Variants in POU6F2 observed in about 807,000 individuals in gnomAD.
The protein encoded by POU6F2 is POU domain, class 6, transcription factor 2.
POU6F2 carries 31 observed loss-of-function variants against 71.3 expected under a neutral mutation model. The observed-to-expected ratio is 0.43, with a 90% confidence interval of 0.33 to 0.59. The LOEUF is 0.59. Among genes scored for constraint, POU6F2 ranks in the 20% least tolerant of loss-of-function variants. POU6F2 has a pLI of 0.04. For synonymous variants in POU6F2, 347 were observed against 355.7 expected (o/e 0.98, Z 0.27); for missense variants, 783 against 856.8 (o/e 0.91, Z 1.07).
chr7:39,111,399 G>A (rs1004465571), intron 2 of POU6F2, among the ~76,000 whole-genome samples: 24 of 152,122 alleles, frequency 1.6e-4, no homozygotes, highest in African/African-American at 4.6e-4. Flanking sequence ...ATGGTAAAAC[G>A]AAAGTGAAGA....
chr7:39,441,228 C>CT (rs112828864), intron 7 of POU6F2, among the ~76,000 whole-genome samples: 6,189 of 139,906 alleles, frequency 0.044, 342 homozygotes, highest in African/African-American at 0.14. Flanking sequence ...TAAAGCTTAG[C>CT]TTTTTTTTTT....
At chr7:39,250,054 G>C (rs1334678835) in intron 4 of POU6F2, among the ~76,000 whole-genome samples, 1 of 152,186 alleles carries the variant, frequency 6.6e-6, no homozygotes, top group East Asian at 1.9e-4. Flanking sequence ...TCGAGAGAGG[G>C]CCGCATCAGC....
chr7:39,401,874 A>G (rs1181091746), intron 5 of POU6F2, among the ~76,000 whole-genome samples: 1 of 152,218 alleles, frequency 6.6e-6, no homozygotes, highest in Non-Finnish European at 1.5e-5. Flanking sequence ...TGATAGAACT[A>G]TAGATCATGG....
At chr7:39,084,683 A>G (rs564393007) in intron 1 of POU6F2, among the ~76,000 whole-genome samples, 1 of 152,262 alleles carries the variant, frequency 6.6e-6, no homozygotes, top group African/African-American at 2.4e-5. Context: ...CATGTGTCAT[A>G]TCAAATTCAC....
intron 1 of POU6F2, among the ~76,000 whole-genome samples, chr7:39,016,007 TTATA>T (rs1562671107): frequency 2.1e-5 from 1 of 48,102 alleles, no homozygotes; most frequent in African/African-American, 7.4e-5. Context: ...TAGATATATA[TTATA>T]TATTATATAT....
intron 4 of POU6F2, among the ~76,000 whole-genome samples, chr7:39,275,120 T>G (rs1784411974): frequency 6.6e-6 from 1 of 152,146 alleles, no homozygotes. Flanking sequence ...TGTCCCTGTT[T>G]GCAGATGACA....
At chr7:38,994,562 C>T (rs774986327) in intron 1 of POU6F2, among the ~76,000 whole-genome samples, 17 of 152,030 alleles carry the variant, frequency 1.1e-4, no homozygotes, top group African/African-American at 2.9e-4. Flanking sequence ...TCACCATGCC[C>T]GTGACAGGGT....
chr7:39,092,164 C>T lies in POU6F2; in HGVS notation c.277+6133C>T, dbSNP rs1791373615. Among the ~76,000 whole-genome samples the T allele has an allele frequency of 2.0e-5, 3 of 152,170 alleles. No individual in the cohort carries two copies. The South Asian group carries it at 6.2e-4, about 32-fold the overall frequency. ...TAGCAAAGTGTTTATACCAAACTGGCACCCTGTCAGGGGGCAATCTGTATA... is the reference window on the plus strand; with the variant it reads ...TAGCAAAGTGTTTATACCAAACTGGTACCCTGTCAGGGGGCAATCTGTATA... On this transcript the variant is annotated intron_variant, in intron 2 of 9. Transcript: ENST00000518318.
At chr7:38,982,525 T>C (rs560022399) in intron 1 of POU6F2, among the ~76,000 whole-genome samples, 1 of 152,268 alleles carries the variant, frequency 6.6e-6, no homozygotes, top group Admixed American at 6.5e-5. Flanking sequence ...GAAAGTCTTA[T>C]GTTAACATTT....
intron 4 of POU6F2, among the ~76,000 whole-genome samples, chr7:39,234,799 G>T (rs918038138): frequency 2.6e-5 from 4 of 152,132 alleles, no homozygotes; most frequent in Non-Finnish European, 5.9e-5. Context: ...TGCATCAATA[G>T]TACCATTGTT....
chr7:39,405,132 A>C (rs1028920733), intron 5 of POU6F2: 1 of 152,208 alleles, frequency 6.6e-6, no homozygotes, highest in African/African-American at 2.4e-5. Context: ...ACTGAAGAAC[A>C]GTTGTGTGAA....
At chr7:39,050,673 G>T (rs1310473167) in intron 1 of POU6F2, among the ~76,000 whole-genome samples, 1 of 152,032 alleles carries the variant, frequency 6.6e-6, no homozygotes, top group East Asian at 1.9e-4. Context: ...TCTCTGCTGG[G>T]GATGGGATTG....
chr7:39,036,977 G>C (rs918688178), intron 1 of POU6F2, among the ~76,000 whole-genome samples: 2 of 151,728 alleles, frequency 1.3e-5, no homozygotes, highest in African/African-American at 4.8e-5. Context: ...TGGGGGTTTT[G>C]TATACAGACT....
intron 4 of POU6F2, among the ~76,000 whole-genome samples, chr7:39,236,317 TATC>T (rs1191802216): frequency 6.6e-6 from 1 of 152,170 alleles, no homozygotes; most frequent in Non-Finnish European, 1.5e-5. Context: ...CTAAAATTAA[TATC>T]ATAGCACTTA....
At chr7:39,153,192 T>C (rs1019450231) in intron 2 of POU6F2, among the ~76,000 whole-genome samples, 1 of 151,456 alleles carries the variant, frequency 6.6e-6, no homozygotes, top group Non-Finnish European at 1.5e-5. Context: ...AAAGATTTTA[T>C]ATATATATAT....
In POU6F2 at chr7:38,978,036, C is replaced by T. The variant is rs1311914157; in HGVS notation, c.83C>T (p.Thr28Ile). 13 of 152,218 alleles carry T rather than the reference C, an allele frequency of 8.5e-5. No homozygotes were observed. The highest frequency in any genetic ancestry group is 8.5e-4 in the Admixed American group (13 of 15,284). The allele number at this position is 152,218 out of a possible 1,614,324, so 9.4% of individuals were successfully genotyped here. The part of the protein sequence containing the change: ...CYLSAQQDTG[T>I]MQAVIGQDPM... ...CTCTCAGCGCAGCAGGACACGGGGA[C>T]CATGCAAGCTGTAATTGGTCAGGTA... The change falls in exon 1 of 10, where the codon ACC (threonine) becomes ATC (isoleucine). Residue 28 changes from threonine (T) to isoleucine (I), a missense_variant. Coordinates refer to ENST00000518318, the MANE Select transcript of POU6F2 (RefSeq NM_001370959.1).
At chr7:39,326,201 T>C (rs1583526040) in intron 4 of POU6F2, among the ~76,000 whole-genome samples, 1 of 152,194 alleles carries the variant, frequency 6.6e-6, no homozygotes, top group Admixed American at 6.5e-5. Flanking sequence ...CTTAAACTCA[T>C]TTGGTTTCAA....
rs10226656 is a variant in POU6F2, at chr7:39,373,878, G to A, written c.973-32722G>A. Among the ~76,000 whole-genome samples, 1,287 of 152,154 alleles carry A rather than the reference G, an allele frequency of 8.5e-3. 13 individuals are homozygous for A. Among genetic ancestry groups the A allele is most frequent in the African/African-American group, 0.029 (1,186 of 41,510 alleles). Reference sequence around the variant, plus strand: ...CTCTTAATTATATTCATTCCAAAAAGAAGTTTTTTTTCAAAGAAATAATGG... The same window carrying A: ...CTCTTAATTATATTCATTCCAAAAAAAAGTTTTTTTTCAAAGAAATAATGG... On this transcript the variant is annotated intron_variant, in intron 5 of 9. Coordinates refer to ENST00000518318, the MANE Select transcript of POU6F2 (RefSeq NM_001370959.1).
intron 4 of POU6F2, among the ~76,000 whole-genome samples, chr7:39,297,752 C>A (rs1358332726): frequency 6.7e-6 from 1 of 148,174 alleles, no homozygotes; most frequent in East Asian, 1.9e-4. Context: ...TGACTTCAAA[C>A]TATATTACAA....
Sources: allele counts gnomAD v4.1 joint callset (sites outside exome capture counted in the v4.1 genomes callset), GRCh38; gene constraint gnomAD v4.1.1; transcripts MANE v1.5; gene names NCBI Gene and HGNC (gene_info 2026-07-23, HGNC 2026-07-21).